The following PXYLP1 variants were observed in gnomAD, a reference collection of about 807,000 sequenced individuals.
PXYLP1 encodes acid phosphatase-like 2.
Under a neutral mutation model 37.9 loss-of-function variants are expected in PXYLP1, and 17 were observed. The observed-to-expected ratio is 0.45, with a 90% CI of 0.31 to 0.67. PXYLP1 has a LOEUF of 0.67. Ranked by LOEUF, PXYLP1 falls within the 30% of genes least tolerant of loss-of-function variation. PXYLP1 has a pLI of 0.07. For synonymous variants in PXYLP1, 221 were observed against 232.2 expected, an observed-to-expected ratio of 0.95 and a Z score of 0.44; for missense variants, 511 against 612.0, an observed-to-expected ratio of 0.84 and a Z score of 1.74.
intron 1 of PXYLP1, among the ~76,000 whole-genome samples, chr3:141,241,764 T>G (rs1940806519): frequency 6.6e-6 from 1 of 152,164 alleles, no homozygotes; most frequent in Admixed American, 6.5e-5. Flanking sequence ...ATGGGCTGGC[T>G]GTGAGAGGGG....
chr3:141,242,766 A>G (rs1298633379), intron 1 of PXYLP1, among the ~76,000 whole-genome samples: 2 of 152,182 alleles, frequency 1.3e-5, no homozygotes. Context: ...GAACGAAATC[A>G]TGACTGTCTT....
intron 1 of PXYLP1, among the ~76,000 whole-genome samples, chr3:141,232,805 T>A (rs1240953060): frequency 6.6e-6 from 1 of 151,584 alleles, no homozygotes; most frequent in African/African-American, 2.4e-5. Flanking sequence ...ATTTTCCCGC[T>A]TCGGCTGTGA....
intron 4 of PXYLP1, among the ~76,000 whole-genome samples, chr3:141,282,816 G>C (rs1017808926): frequency 6.6e-6 from 1 of 152,204 alleles, no homozygotes; most frequent in Non-Finnish European, 1.5e-5. Context: ...TGGGGCCCAG[G>C]TTTCTGACTG....
chr3:141,275,721 G>A (rs1941776171), intron 2 of PXYLP1, among the ~76,000 whole-genome samples: 1 of 152,060 alleles, frequency 6.6e-6, no homozygotes, highest in African/African-American at 2.4e-5. Flanking sequence ...AATGTTGGGT[G>A]GGTGAATCAC....
intron 2 of PXYLP1, chr3:141,272,811 A>T (rs1212795042): frequency 5.0e-6 from 1 of 201,448 alleles, no homozygotes; most frequent in Non-Finnish European, 8.8e-6. Flanking sequence ...TTCCAGCTGC[A>T]TTGGCAGCTT....
intron 3 of PXYLP1, among the ~76,000 whole-genome samples, 190 bp from the exon 4 acceptor site, chr3:141,279,188 A>G (rs540094247): frequency 2.8e-4 from 42 of 152,278 alleles, no homozygotes; most frequent in African/African-American, 9.4e-4. Context: ...TTGTAAGACT[A>G]TTCAGTGGCC....
chr3:141,235,675 T>C (rs1559877029), intron 1 of PXYLP1: 1 of 152,268 alleles, frequency 6.6e-6, no homozygotes. Flanking sequence ...TCCCAGGGAC[T>C]CTTTTTGAAC....
intron 1 of PXYLP1, among the ~76,000 whole-genome samples, chr3:141,259,767 C>T (rs1045220888): frequency 6.6e-6 from 1 of 152,138 alleles, no homozygotes; most frequent in African/African-American, 2.4e-5. Context: ...AAGATGAGTC[C>T]GTGTGAAGAT....
At chr3:141,277,766 A>G (rs571360632) in intron 2 of PXYLP1, among the ~76,000 whole-genome samples, 1 of 152,346 alleles carries the variant, frequency 6.6e-6, no homozygotes, top group South Asian at 2.1e-4. Flanking sequence ...CACGCCGAAG[A>G]CAGTGGCAGG....
intron 1 of PXYLP1, 85 bp from the exon 2 acceptor site, chr3:141,260,038 C>A (rs1941352390): frequency 1.1e-6 from 1 of 907,174 alleles, no homozygotes. Context: ...AGATTATTAT[C>A]AGTTGACAAG....
intron 1 of PXYLP1, among the ~76,000 whole-genome samples, chr3:141,259,375 G>T (rs979423345): frequency 1.4e-5 from 2 of 145,354 alleles, no homozygotes; most frequent in Non-Finnish European, 3.0e-5. Flanking sequence ...TAGGGTAGAA[G>T]TTATAGTAGT....
chr3:141,245,045 CTTTTTT>C (rs10546747), intron 1 of PXYLP1, among the ~76,000 whole-genome samples: 23,701 of 106,146 alleles, frequency 0.22, 2,489 homozygotes, highest in African/African-American at 0.36. Flanking sequence ...CACTAACTCC[CTTTTTT>C]TTTTTTTTTT....
chr3:141,261,455 TC>T (rs1941393468), intron 2 of PXYLP1, among the ~76,000 whole-genome samples: 1 of 152,200 alleles, frequency 6.6e-6, no homozygotes, highest in African/African-American at 2.4e-5. Context: ...GCCATTTTTT[TC>T]AGCACAATAA....
intron 1 of PXYLP1, among the ~76,000 whole-genome samples, chr3:141,249,246 T>G (rs1941086471): frequency 6.6e-6 from 1 of 152,140 alleles, no homozygotes. Flanking sequence ...GAGAACAGGG[T>G]CTTGCCAAAG....
chr3:141,273,755 G>T (rs1941723771), intron 2 of PXYLP1: 5 of 985,350 alleles, frequency 5.1e-6, no homozygotes, highest in Non-Finnish European at 6.0e-6. Context: ...ATAAAAGAGA[G>T]GCTTATTTCC....
Position 141,278,433 on chromosome 3 carries a change from G to A in PXYLP1, c.171G>A (p.Val57=), listed in dbSNP as rs149433525. 70 of 1,614,210 alleles carry A rather than the reference G, an allele frequency of 4.3e-5. No individual in the cohort carries two copies. In the African/African-American group the frequency reaches 7.2e-4, roughly 17 times the overall value. The change falls in exon 3 of 6, where the codon GTG becomes GTA. Residue 57 remains valine, a synonymous_variant. Coordinates refer to ENST00000286353, the MANE Select transcript of PXYLP1 (RefSeq NM_001037172.3). ...IMPDPVTEPP[V]TDPVYEALLY... ...CCGACCCTGTGACGGAGCCCCCTGTGACAGACCCCGTTTATGAAGCTCTTT... is the reference window on the plus strand; with the variant it reads ...CCGACCCTGTGACGGAGCCCCCTGTAACAGACCCCGTTTATGAAGCTCTTT...
At chr3:141,249,158 A>G (rs1941083946) in intron 1 of PXYLP1, among the ~76,000 whole-genome samples, 1 of 152,214 alleles carries the variant, frequency 6.6e-6, no homozygotes, top group Admixed American at 6.5e-5. Context: ...GCCCACTGGC[A>G]CTGGCAGTGA....
chr3:141,272,843 T>C (rs1014476269), intron 2 of PXYLP1: 2 of 352,694 alleles, frequency 5.7e-6, no homozygotes, highest in African/African-American at 2.2e-5. Flanking sequence ...CCCACCCAGA[T>C]TGAGGGTGGG....
intron 4 of PXYLP1, among the ~76,000 whole-genome samples, chr3:141,283,948 C>T (rs950664747): frequency 6.6e-6 from 1 of 151,810 alleles, no homozygotes; most frequent in East Asian, 1.9e-4. Context: ...GACTTGAAGG[C>T]TTAAGATAGT....
Sources: gnomAD v4.1 joint callset for allele counts (sites outside exome capture counted in the v4.1 genomes callset) on GRCh38, gnomAD v4.1.1 for gene constraint, MANE v1.5 for transcripts, NCBI Gene and HGNC (gene_info 2026-07-23, HGNC 2026-07-21) for gene names.